The following FAT3 variants were observed in gnomAD, a reference collection of about 807,000 sequenced individuals.
FAT3 encodes the protein protocadherin Fat 3.
In FAT3, 95 loss-of-function variants were observed where a neutral mutation model predicts 310.2. That is an observed-to-expected ratio of 0.31 (90% confidence interval 0.26 to 0.36). The LOEUF (loss-of-function observed/expected upper bound fraction) is 0.36, where lower values mean the gene tolerates loss of function less well. Ranked by LOEUF, FAT3 falls within the 10% of genes least tolerant of loss-of-function variation. The probability of loss-of-function intolerance (pLI) is 1.00; values close to 1 mark genes in which losing one functional copy is unlikely to be tolerated. For missense variants in FAT3, 5,408 were observed against 5,715.6 expected (o/e 0.95, Z 1.74); for synonymous variants, 2,314 against 2,192.9 (o/e 1.06, Z -1.54).
intron 7 of FAT3, among the ~76,000 whole-genome samples, chr11:92,780,230 C>T (rs566630438): frequency 6.7e-5 from 10 of 149,334 alleles, no homozygotes; most frequent in South Asian, 2.1e-4. Flanking sequence ...GGCACAATCA[C>T]GACTCACGGT....
chr11:92,766,779 A>G (rs1162153096), intron 6 of FAT3: 1 of 152,150 alleles, frequency 6.6e-6, no homozygotes, highest in Non-Finnish European at 1.5e-5. Context: ...GCTCATTAAG[A>G]TATTATCTGA....
At chr11:92,565,915 A>C (rs1791547) in intron 3 of FAT3, among the ~76,000 whole-genome samples, 128,728 of 151,730 alleles carry the variant, frequency 0.85, 54,808 homozygotes, top group Middle Eastern at 0.92. Flanking sequence ...CTATGACAAA[A>C]CCACAGCCAA....
intron 1 of FAT3, among the ~76,000 whole-genome samples, chr11:92,331,465 A>G (rs1591120166): frequency 6.6e-6 from 1 of 152,160 alleles, no homozygotes; most frequent in East Asian, 1.9e-4. Context: ...GACACTAAAC[A>G]TAGCCCCTCA....
rs1444134061 is a variant in FAT3 at position 92,354,924 on chromosome 11, C to T, written c.2812C>T (p.Pro938Ser). 1 of 1,613,752 alleles carries T rather than the reference C, an allele frequency of 6.2e-7. No individual in the cohort carries two copies. Among genetic ancestry groups the T allele is most frequent in the Non-Finnish European group, 8.5e-7 (1 of 1,179,886 alleles). Residue 938 changes from proline to serine, a missense_variant, in exon 2 of 28, where the codon CCC becomes TCC. Coordinates refer to ENST00000525166, the MANE Select transcript of FAT3 (RefSeq NM_001367949.2). ...DVNDCSPAFI[P>S]SSYSVKVLED... ...CAATGACTGCTCCCCAGCTTTCATT[C>T]CCAGTAGCTATAGTGTGAAGGTTCT...
rs34833885 is a variant in FAT3 at position 92,447,222 on chromosome 11, CGTGT to C, written c.3293-77381_3293-77378del. On this transcript the variant is annotated intron_variant, in intron 2 of 27. Coordinates refer to ENST00000525166, the MANE Select transcript of FAT3 (RefSeq NM_001367949.2). Reference sequence around the variant, plus strand: ...ATATATATGTGTATGTATATGTGTGCGTGTGTGTGTGTGTGTGTGTGTGTGTGTG... The same window carrying C: ...ATATATATGTGTATGTATATGTGTGCGTGTGTGTGTGTGTGTGTGTGTGTG... Among the ~76,000 whole-genome samples the C allele has an allele frequency of 8.1e-3, 1,181 of 145,374 alleles. 6 individuals carry two copies. The highest frequency in any genetic ancestry group is 0.021 in the Middle Eastern group (6 of 280).
At chr11:92,773,112 T>A (rs1461781507) in intron 6 of FAT3, among the ~76,000 whole-genome samples, 4 of 152,170 alleles carry the variant, frequency 2.6e-5, no homozygotes, top group Admixed American at 6.5e-5. Flanking sequence ...TAATTAAAAT[T>A]GTTCCCACAT....
chr11:92,742,041 C>T (rs945589458), intron 4 of FAT3, among the ~76,000 whole-genome samples: 2 of 152,148 alleles, frequency 1.3e-5, no homozygotes, highest in African/African-American at 4.8e-5. Context: ...GATATTAGCT[C>T]GGCATCCGTT....
intron 2 of FAT3, among the ~76,000 whole-genome samples, chr11:92,359,559 A>T (rs1948825678): frequency 6.6e-6 from 1 of 150,760 alleles, no homozygotes; most frequent in Non-Finnish European, 1.5e-5. Flanking sequence ...TACATGTGCC[A>T]TGCTGGTGCG....
At chr11:92,591,701 A>G (rs892059362) in intron 3 of FAT3, among the ~76,000 whole-genome samples, 6 of 152,198 alleles carry the variant, frequency 3.9e-5, no homozygotes, top group African/African-American at 1.4e-4. Context: ...AGCTCATGAC[A>G]GAAGCTTAAA....
chr11:92,345,942 G>GT (rs1948405751), intron 1 of FAT3, among the ~76,000 whole-genome samples: 1 of 152,106 alleles, frequency 6.6e-6, no homozygotes, highest in East Asian at 1.9e-4. Context: ...CTTTGGCTCA[G>GT]TATTTCATTA....
chr11:92,449,502 G>A (rs900367521), intron 2 of FAT3, among the ~76,000 whole-genome samples: 1 of 152,128 alleles, frequency 6.6e-6, no homozygotes, highest in East Asian at 1.9e-4. Context: ...CTAACTCAAT[G>A]AGTCACCCCT....
chr11:92,621,902 T>G (rs1941103474), intron 3 of FAT3, among the ~76,000 whole-genome samples: 2 of 152,184 alleles, frequency 1.3e-5, no homozygotes, highest in Admixed American at 1.3e-4. Context: ...AATCAGATTT[T>G]GGCACAGTGG....
chr11:92,484,070 C>A (rs536320797), intron 2 of FAT3, among the ~76,000 whole-genome samples: 99 of 152,186 alleles, frequency 6.5e-4, no homozygotes, highest in Non-Finnish European at 1.3e-3. Flanking sequence ...AGGGCTGAGT[C>A]CCTTCAGTTT....
At chr11:92,589,378 A>T (rs1232590557) in intron 3 of FAT3, among the ~76,000 whole-genome samples, 1 of 152,112 alleles carries the variant, frequency 6.6e-6, no homozygotes, top group Non-Finnish European at 1.5e-5. Flanking sequence ...TCCATGTGTT[A>T]TGGCCCTTCT....
Position 92,870,715 on chromosome 11 carries a change from A to G in FAT3, c.12127+3506A>G, listed in dbSNP as rs1031778120. Among the ~76,000 whole-genome samples the G allele has an allele frequency of 5.7e-4, 86 of 152,174 alleles. 1 individual carries two copies. Among genetic ancestry groups the G allele is most frequent in the African/African-American group, 2.0e-3 (82 of 41,424 alleles). The stretch of plus-strand genomic sequence containing the variant: ...GAAGCCAGGCAGTCACCATGCCATA[A>G]ATAGTCATTCAGGCAGCATGGCATG... On this transcript the variant is annotated intron_variant, in intron 22 of 27. Transcript: ENST00000525166.
intron 3 of FAT3, among the ~76,000 whole-genome samples, chr11:92,696,371 C>G (rs919829097): frequency 3.3e-5 from 5 of 152,082 alleles, no homozygotes; most frequent in African/African-American, 1.2e-4. Context: ...GTGGTATCTT[C>G]TTGGCTTTCT....
intron 3 of FAT3, among the ~76,000 whole-genome samples, chr11:92,535,972 G>A (rs1954245032): frequency 6.6e-6 from 1 of 152,064 alleles, no homozygotes; most frequent in South Asian, 2.1e-4. Context: ...TTTTAAAAAA[G>A]CATTGAAGTT....
chr11:92,553,317 A>G (rs1433425511), intron 3 of FAT3, among the ~76,000 whole-genome samples: 1 of 152,174 alleles, frequency 6.6e-6, no homozygotes, highest in Non-Finnish European at 1.5e-5. Context: ...CAGGTATCAC[A>G]AATGTTTGCA....
At chr11:92,786,822 C>A (rs1946906132) in intron 7 of FAT3, among the ~76,000 whole-genome samples, 1 of 152,122 alleles carries the variant, frequency 6.6e-6, no homozygotes. Context: ...CACACTGTTT[C>A]TAAGAACAAA....
Sources: allele counts gnomAD v4.1 joint callset (sites outside exome capture counted in the v4.1 genomes callset), GRCh38; gene constraint gnomAD v4.1.1; transcripts MANE v1.5; gene names NCBI Gene and HGNC (gene_info 2026-07-23, HGNC 2026-07-21).